Variants in LTBP1 observed in about 807,000 individuals in gnomAD.
LTBP1 encodes latent-transforming growth factor beta-binding protein 1.
LTBP1 carries 129 observed loss-of-function variants against 207.6 expected under a neutral mutation model. The observed-to-expected ratio is 0.62, with a 90% CI of 0.54 to 0.72. LTBP1 has a LOEUF of 0.72. Ranked by LOEUF, LTBP1 falls within the 30% of genes least tolerant of loss-of-function variation. The pLI is 0.00. For missense variants in LTBP1, 2,281 were observed against 2,217.2 expected (o/e 1.03, Z -0.58); for synonymous variants, 963 against 833.7 (o/e 1.16, Z -2.67).
At chr2:33,002,313 A>G (rs149636353) in intron 2 of LTBP1, among the ~76,000 whole-genome samples, 108 of 152,334 alleles carry the variant, frequency 7.1e-4, no homozygotes, top group African/African-American at 2.4e-3. Context: ...ACATTTGTGC[A>G]GGTGGTGGAG....
chr2:33,396,802 G>C (rs116119155), intron 32 of LTBP1, among the ~76,000 whole-genome samples: 1 of 152,176 alleles, frequency 6.6e-6, no homozygotes, highest in Non-Finnish European at 1.5e-5. Context: ...TTGCCCTACT[G>C]CAAACTCACG....
intron 31 of LTBP1, among the ~76,000 whole-genome samples, chr2:33,367,169 T>G (rs1356810044): frequency 6.6e-6 from 1 of 152,164 alleles, no homozygotes; most frequent in African/African-American, 2.4e-5. Flanking sequence ...GTCTATGTCA[T>G]CAATCTAAGC....
chr2:33,305,778 A>G (rs6708335), intron 22 of LTBP1, among the ~76,000 whole-genome samples: 16,888 of 152,218 alleles, frequency 0.11, 1,533 homozygotes, highest in African/African-American at 0.24. Context: ...AGATTGAGGA[A>G]AAAGTGGCAA....
chr2:33,372,927 G>A (rs2095087756), intron 31 of LTBP1, among the ~76,000 whole-genome samples: 1 of 152,158 alleles, frequency 6.6e-6, no homozygotes, highest in Non-Finnish European at 1.5e-5. Flanking sequence ...GATAGAGGGT[G>A]CCATTATCTC....
chr2:33,326,672 T>TATTTATTTATTTATTTA (rs1559016959), intron 24 of LTBP1, among the ~76,000 whole-genome samples: 6 of 151,116 alleles, frequency 4.0e-5, no homozygotes, highest in South Asian at 2.1e-4. Flanking sequence ...TTTATTTATT[T>TATTTATTTATTTATTTA]TTTGGAGGCC....
chr2:33,086,316 G>T (rs974722684), intron 3 of LTBP1, among the ~76,000 whole-genome samples: 1 of 152,204 alleles, frequency 6.6e-6, no homozygotes, highest in Non-Finnish European at 1.5e-5. Flanking sequence ...TAATAGAGTT[G>T]CAAGATGGGA....
At chr2:32,988,525 T>C (rs1683934291) in intron 2 of LTBP1, among the ~76,000 whole-genome samples, 1 of 152,264 alleles carries the variant, frequency 6.6e-6, no homozygotes, top group Admixed American at 6.5e-5. Context: ...TGAGATGATG[T>C]ATTTCATTGG....
chr2:33,065,288 G>A (rs1237143813), intron 3 of LTBP1, among the ~76,000 whole-genome samples: 2 of 152,178 alleles, frequency 1.3e-5, no homozygotes, highest in African/African-American at 4.8e-5. Context: ...GAGGCATGGT[G>A]GTTATACCTG....
chr2:33,137,038 G>A lies in LTBP1; in HGVS notation c.1201+2078G>A, dbSNP rs547228677. Among the ~76,000 whole-genome samples, 197 of 152,166 alleles carry A rather than the reference G, an allele frequency of 1.3e-3. 1 individual carries two copies. The highest frequency in any genetic ancestry group is 4.3e-3 in the African/African-American group (178 of 41,518). On this transcript the variant is annotated intron_variant, in intron 5 of 33. Transcript: ENST00000404816. ...GAGCTATTTCCCTCTCCTGTTTAAC[G>A]TTTTATTTCAAATATTGGATAGTTT...
intron 2 of LTBP1, among the ~76,000 whole-genome samples, chr2:33,004,096 A>G (rs1424100154): frequency 8.8e-6 from 1 of 113,794 alleles, no homozygotes; most frequent in African/African-American, 3.1e-5. Context: ...CTTAATAAAT[A>G]TCATTTTTTT....
At position 33,020,774 on chromosome 2, in the gene LTBP1, C is replaced by G; in HGVS notation, c.566-135C>G. ...CCCCCTCCTCCGCCCAACTGCCCCACCTTCCTCCTTATGAGTATTTGTGTG... is the reference window on the plus strand; with the variant it reads ...CCCCCTCCTCCGCCCAACTGCCCCAGCTTCCTCCTTATGAGTATTTGTGTG... On this transcript the variant is annotated intron_variant, in intron 2 of 33. Transcript: ENST00000404816. The G allele has an allele frequency of 6.1e-6, 5 of 819,732 alleles. No homozygotes were observed. In the South Asian group the frequency reaches 1.1e-4, roughly 19 times the overall value. The allele number at this position is 819,732 out of a possible 1,614,324, so 50.8% of individuals were successfully genotyped here. A position where few individuals can be genotyped will look rare whatever the true frequency, so the allele number is the denominator to read the frequency against.
intron 2 of LTBP1, among the ~76,000 whole-genome samples, chr2:32,953,339 C>T (rs1054779274): frequency 4.6e-5 from 7 of 152,086 alleles, no homozygotes; most frequent in Non-Finnish European, 7.4e-5. Flanking sequence ...GGGAGTCGAG[C>T]CCAGAGTGAT....
intron 3 of LTBP1, among the ~76,000 whole-genome samples, chr2:33,043,460 A>G (rs6722859): frequency 0.072 from 10,910 of 152,266 alleles, 431 homozygotes; most frequent in Middle Eastern, 0.095. Flanking sequence ...TTGCCATGCT[A>G]TATTTTGGAG....
intron 7 of LTBP1, among the ~76,000 whole-genome samples, chr2:33,211,338 G>A (rs2090295195): frequency 6.6e-6 from 1 of 152,186 alleles, no homozygotes; most frequent in South Asian, 2.1e-4. Flanking sequence ...ATTGGGGCCT[G>A]GAGTCCAGCC....
intron 3 of LTBP1, among the ~76,000 whole-genome samples, chr2:33,060,107 A>G (rs1204122131): frequency 6.6e-6 from 1 of 152,114 alleles, no homozygotes; most frequent in Non-Finnish European, 1.5e-5. Flanking sequence ...CTATTTTTAA[A>G]CTGTAGACTC....
intron 3 of LTBP1, among the ~76,000 whole-genome samples, chr2:33,065,823 G>C (rs1315667206): frequency 1.3e-5 from 2 of 152,092 alleles, no homozygotes; most frequent in Non-Finnish European, 2.9e-5. Context: ...GTGAACATAT[G>C]GTCTTGGTCT....
In LTBP1 at chr2:33,263,375, C is replaced by T. The variant is rs1280345634; in HGVS notation, c.2600C>T (p.Ala867Val). 5.0e-6 allele frequency: 8 copies of T among 1,613,500 alleles called. No individual in the cohort carries two copies. The highest frequency in any genetic ancestry group is 6.8e-6 in the Non-Finnish European group (8 of 1,179,558). ...ACGTCTAGTGCCAGCCAAGTGATTGCTCCTACTCAAGTGACAGGTTGGTGC... is the reference window on the plus strand; with the variant it reads ...ACGTCTAGTGCCAGCCAAGTGATTGTTCCTACTCAAGTGACAGGTTGGTGC... ...ASTSSASQVI[A>V]PTQVTEINEC... Residue 867 changes from alanine to valine, a missense_variant, in exon 15 of 34, where the codon GCT (alanine) becomes GTT (valine). By Grantham distance (64) the Ala-to-Val change is moderately conservative. Around this residue, in one of 3 missense-constraint regions of LTBP1, gnomAD observed 1,671 missense variants for 1,634.8 expected, o/e 1.02. Transcript: ENST00000404816.
chr2:33,166,104 A>G (rs1184775558), intron 5 of LTBP1, among the ~76,000 whole-genome samples: 1 of 149,340 alleles, frequency 6.7e-6, no homozygotes, highest in Admixed American at 6.7e-5. Flanking sequence ...CAGATCTGCT[A>G]TAAATTATAC....
chr2:33,128,582 A>C (rs908395100), intron 4 of LTBP1, among the ~76,000 whole-genome samples: 5 of 152,204 alleles, frequency 3.3e-5, no homozygotes, highest in African/African-American at 1.2e-4. Flanking sequence ...TTCTGAAAAA[A>C]TGTATCTTTT....
Sources: gnomAD v4.1 joint callset for allele counts (sites outside exome capture counted in the v4.1 genomes callset) on GRCh38, gnomAD v4.1.1 for gene constraint, gnomAD v4.1.1 regional missense constraint, MANE v1.5 for transcripts, NCBI Gene and HGNC (gene_info 2026-07-23, HGNC 2026-07-21) for gene names.